The following ZNF469 variants were observed in gnomAD, a reference collection of about 807,000 sequenced individuals.
ZNF469 encodes the protein zinc finger protein 469.
Under a neutral mutation model 1.0 loss-of-function variants are expected in ZNF469, and 1 was observed. That is an observed-to-expected ratio of 1.00 (90% CI 0.35 to 4.73). ZNF469 has a LOEUF of 4.73. ZNF469 is among the 30% of genes most tolerant of loss of function. ZNF469 has a pLI of 0.16. For synonymous variants in ZNF469, 2,703 were observed against 2,363.4 expected (o/e 1.14, Z -4.17); for missense variants, 6,100 against 5,356.3 (o/e 1.14, Z -4.33).
chr16:88,379,843 A>C (rs893966648), upstream of ZNF469, among the ~76,000 whole-genome samples: 2 of 152,122 alleles, frequency 1.3e-5, no homozygotes, highest in African/African-American at 4.8e-5. Context: ...TCCCTGTGAA[A>C]GGGAAGAGGC....
At chr16:88,407,795 G>A (rs1219366043) in intron 1 of ZNF469, among the ~76,000 whole-genome samples, 1 of 152,238 alleles carries the variant, frequency 6.6e-6, no homozygotes, top group Non-Finnish European at 1.5e-5. Context: ...GTGAGTTGGG[G>A]GCATGGGCAT....
chr16:88,208,941 A>G, the ZNF469 span, among the ~76,000 whole-genome samples: 3 of 151,552 alleles, frequency 2.0e-5, no homozygotes, highest in East Asian at 5.9e-4. Flanking sequence ...TTCTCAGGGT[A>G]TTTGCTTATT....
chr16:88,327,187 T>C, the ZNF469 span, among the ~76,000 whole-genome samples: 1 of 152,118 alleles, frequency 6.6e-6, no homozygotes, highest in Non-Finnish European at 1.5e-5. Context: ...TGGCCGCCTC[T>C]CCAGAGCCTG....
the ZNF469 span, among the ~76,000 whole-genome samples, chr16:88,282,796 G>T: frequency 5.5e-3 from 831 of 152,286 alleles, 10 homozygotes; most frequent in African/African-American, 0.019. Flanking sequence ...CGATGGAGTG[G>T]ATGCAGCTAC....
chr16:88,116,827 G>A, the ZNF469 span, among the ~76,000 whole-genome samples: 2 of 152,336 alleles, frequency 1.3e-5, no homozygotes, highest in South Asian at 2.1e-4. Flanking sequence ...GTGGGTCGGG[G>A]GAGTAGGGGC....
At chr16:88,118,937 T>C in the ZNF469 span, among the ~76,000 whole-genome samples, 7 of 152,164 alleles carry the variant, frequency 4.6e-5, no homozygotes, top group Non-Finnish European at 1.0e-4. Context: ...GCAGTTCACT[T>C]GTGTTTCCAC....
At chr16:88,389,152 G>A (rs1295494638) in intron 1 of ZNF469, among the ~76,000 whole-genome samples, 3 of 152,184 alleles carry the variant, frequency 2.0e-5, no homozygotes, top group Admixed American at 1.3e-4. Flanking sequence ...AAAACCCTGT[G>A]CCCATGAAGA....
At chr16:88,380,064 C>T (rs1430953284), upstream of ZNF469, among the ~76,000 whole-genome samples, 2 of 150,702 alleles carry the variant, frequency 1.3e-5, no homozygotes, top group Non-Finnish European at 1.5e-5. Flanking sequence ...CACACATACT[C>T]ACACACAGAC....
At chr16:88,331,497 TTATCACCAC>T in the ZNF469 span, among the ~76,000 whole-genome samples, 2 of 146,004 alleles carry the variant, frequency 1.4e-5, no homozygotes, top group East Asian at 4.2e-4. Flanking sequence ...ATCACTATTG[TTATCACCAC>T]CACCATCATC....
At chr16:88,286,200 C>G in the ZNF469 span, among the ~76,000 whole-genome samples, 1 of 152,220 alleles carries the variant, frequency 6.6e-6, no homozygotes, top group Admixed American at 6.5e-5. Context: ...ACAGGTCCCT[C>G]CAGTTGTTTT....
At chr16:88,284,031 C>T in the ZNF469 span, among the ~76,000 whole-genome samples, 2 of 70,382 alleles carry the variant, frequency 2.8e-5, no homozygotes, top group African/African-American at 1.5e-4. Flanking sequence ...CCAGTGTGTC[C>T]GGAGTGCCTG....
intron 1 of ZNF469, among the ~76,000 whole-genome samples, chr16:88,410,255 A>AAGTCACGT (rs1905115201): frequency 6.8e-6 from 1 of 146,950 alleles, no homozygotes; most frequent in Non-Finnish European, 1.5e-5. Context: ...TTGATGGTGC[A>AAGTCACGT]GGTCACACAG....
chr16:88,309,479 T>A, the ZNF469 span, among the ~76,000 whole-genome samples: 210 of 139,454 alleles, frequency 1.5e-3, 1 homozygote, highest in East Asian at 8.2e-3. Context: ...AGGTCCCCTC[T>A]CGGTGTTCAG....
the ZNF469 span, among the ~76,000 whole-genome samples, chr16:88,116,211 G>C: frequency 2.0e-5 from 3 of 152,240 alleles, no homozygotes; most frequent in East Asian, 5.8e-4. Context: ...CGGCCAATCA[G>C]GGCATGGCAG....
the ZNF469 span, among the ~76,000 whole-genome samples, chr16:88,217,508 G>A: frequency 2.8e-4 from 42 of 149,304 alleles, 1 homozygote; most frequent in Non-Finnish European, 3.9e-4. Flanking sequence ...AGTTACATAC[G>A]TATACATGTG....
chr16:88,113,149 G>A, the ZNF469 span, among the ~76,000 whole-genome samples: 1 of 152,126 alleles, frequency 6.6e-6, no homozygotes, highest in East Asian at 1.9e-4. Flanking sequence ...TGTGCGTGGG[G>A]GCATTGCTTG....
chr16:88,144,616 T>C, the ZNF469 span, among the ~76,000 whole-genome samples: 2 of 152,244 alleles, frequency 1.3e-5, no homozygotes, highest in Non-Finnish European at 2.9e-5. Context: ...TTTTGGCCTT[T>C]GATTCCAAAG....
At chr16:88,268,889 G>C in the ZNF469 span, among the ~76,000 whole-genome samples, 1 of 152,186 alleles carries the variant, frequency 6.6e-6, no homozygotes, top group Non-Finnish European at 1.5e-5. Flanking sequence ...TCCCCTCTGT[G>C]AGCCTCCCCT....
chr16:88,126,248 C>T, the ZNF469 span, among the ~76,000 whole-genome samples: 1 of 140,914 alleles, frequency 7.1e-6, no homozygotes. Flanking sequence ...TTTGCATTGT[C>T]TGTAGATAAT....
Sources: gnomAD v4.1 joint callset for allele counts (sites outside exome capture counted in the v4.1 genomes callset) on GRCh38, gnomAD v4.1.1 for gene constraint, MANE v1.5 for transcripts, NCBI Gene and HGNC (gene_info 2026-07-23, HGNC 2026-07-21) for gene names.